QTGAL: variants seen among roughly 807,000 people sequenced by gnomAD.
QTGAL encodes queuosine-tRNA galactosyltransferase.
the QTGAL span, among the ~76,000 whole-genome samples, chr17:82,970,550 GGC>G: frequency 1.4e-4 from 13 of 91,722 alleles, 2 homozygotes; most frequent in African/African-American, 6.4e-4. Context: ...CTCCGCACCC[GGC>G]GTGGCCGCGA....
chr17:82,967,254 A>G, the QTGAL span, among the ~76,000 whole-genome samples: 1 of 152,196 alleles, frequency 6.6e-6, no homozygotes, highest in African/African-American at 2.4e-5. Flanking sequence ...GGGTGGCTGA[A>G]GTGATGTTTT....
chr17:82,970,071 C>G, the QTGAL span, among the ~76,000 whole-genome samples: 3 of 152,226 alleles, frequency 2.0e-5, no homozygotes, highest in African/African-American at 4.8e-5. Flanking sequence ...GGGATAACTT[C>G]GAGCAACCTA....
the QTGAL span, among the ~76,000 whole-genome samples, chr17:82,960,787 C>T: frequency 1.3e-5 from 2 of 152,362 alleles, no homozygotes; most frequent in South Asian, 4.1e-4. Context: ...GGACCCGGCG[C>T]GTGGTCATTT....
At chr17:83,046,598 T>C in the QTGAL span, among the ~76,000 whole-genome samples, 1 of 152,214 alleles carries the variant, frequency 6.6e-6, no homozygotes. Flanking sequence ...TGAGGATATG[T>C]AGAAATTGGA....
At chr17:82,952,695 G>A in the QTGAL span, among the ~76,000 whole-genome samples, 2 of 152,194 alleles carry the variant, frequency 1.3e-5, no homozygotes, top group African/African-American at 4.8e-5. Context: ...TCTGGACCAA[G>A]CGGACCTAAT....
the QTGAL span, among the ~76,000 whole-genome samples, chr17:82,962,394 C>A: frequency 1.3e-5 from 2 of 152,218 alleles, no homozygotes; most frequent in East Asian, 3.8e-4. Flanking sequence ...AAAAGTTTAT[C>A]CACCATAAGA....
the QTGAL span, chr17:82,942,695 G>A: frequency 4.9e-6 from 3 of 606,122 alleles, no homozygotes; most frequent in Non-Finnish European, 5.9e-6. Context: ...ATAAAATCAT[G>A]TACCAAGAAG....
the QTGAL span, among the ~76,000 whole-genome samples, chr17:82,972,892 CCA>C: frequency 6.9e-6 from 1 of 145,168 alleles, no homozygotes; most frequent in African/African-American, 2.8e-5. Context: ...CCACACCACA[CCA>C]CAGGGGCCAG....
At chr17:82,952,982 T>C in the QTGAL span, among the ~76,000 whole-genome samples, 1 of 152,162 alleles carries the variant, frequency 6.6e-6, no homozygotes, top group African/African-American at 2.4e-5. Context: ...ATAACGAAGT[T>C]CTTTGAAACC....
the QTGAL span, among the ~76,000 whole-genome samples, chr17:82,950,146 G>A: frequency 2.0e-5 from 3 of 152,332 alleles, no homozygotes; most frequent in East Asian, 5.8e-4. Flanking sequence ...ACTGCCAGCT[G>A]CCCCTGGAAG....
chr17:83,038,837 C>T, the QTGAL span, among the ~76,000 whole-genome samples: 693 of 150,544 alleles, frequency 4.6e-3, 11 homozygotes, highest in East Asian at 0.022. Flanking sequence ...CCAGCCTGGG[C>T]GACAGAGTGA....
chr17:82,969,663 G>A, the QTGAL span, among the ~76,000 whole-genome samples: 1 of 152,286 alleles, frequency 6.6e-6, no homozygotes, highest in Non-Finnish European at 1.5e-5. Flanking sequence ...ACCAGCCTGG[G>A]CAACATAGCA....
At chr17:83,048,470 C>T in the QTGAL span, 1 of 1,602,844 alleles carries the variant, frequency 6.2e-7, no homozygotes, top group South Asian at 1.1e-5. Context: ...TGTTTACTTA[C>T]CGCCTCTAGG....
At chr17:83,050,839 AGGCAGGTGTGCACGGCAGGTGCACG>A in the QTGAL span, among the ~76,000 whole-genome samples, 37 of 150,056 alleles carry the variant, frequency 2.5e-4, no homozygotes, top group African/African-American at 8.9e-4. Context: ...TGGGATGCGC[AGGCAGGTGTGCACGGCAGGTGCACG>A]GGCAGGTATG....
At chr17:83,000,944 TG>T in the QTGAL span, among the ~76,000 whole-genome samples, 1 of 152,168 alleles carries the variant, frequency 6.6e-6, no homozygotes, top group Non-Finnish European at 1.5e-5. Flanking sequence ...GGGTCATGGT[TG>T]CATGGTGTGG....
chr17:82,974,251 C>T, the QTGAL span, among the ~76,000 whole-genome samples: 7 of 152,324 alleles, frequency 4.6e-5, no homozygotes, highest in South Asian at 8.3e-4. Context: ...TTGGGGAACG[C>T]GTGCTGACTG....
At chr17:83,037,360 G>A in the QTGAL span, among the ~76,000 whole-genome samples, 29 of 152,312 alleles carry the variant, frequency 1.9e-4, no homozygotes, top group African/African-American at 5.8e-4. This position sits in a 1 kb window ranked among gnomAD's most constrained non-coding sequence, Gnocchi z 5.2. Context: ...CCCTCTCTGC[G>A]TTCTCCAACC....
chr17:83,019,266 C>T, the QTGAL span, among the ~76,000 whole-genome samples: 1 of 152,120 alleles, frequency 6.6e-6, no homozygotes, highest in African/African-American at 2.4e-5. Flanking sequence ...CAAATTACTC[C>T]ACAGAGAACG....
At chr17:83,010,862 A>G in the QTGAL span, among the ~76,000 whole-genome samples, 2 of 152,150 alleles carry the variant, frequency 1.3e-5, no homozygotes, top group East Asian at 3.9e-4. Flanking sequence ...GCTGCTTCAC[A>G]GGAACCCTCC....
Sources: allele counts gnomAD v4.1 joint callset (sites outside exome capture counted in the v4.1 genomes callset), GRCh38; gene constraint gnomAD v4.1.1; non-coding constraint Gnocchi (gnomAD v3.1); transcripts MANE v1.5; gene names NCBI Gene and HGNC (gene_info 2026-07-23, HGNC 2026-07-21).